The following WWOX variants were observed in gnomAD, a reference collection of about 807,000 sequenced individuals.
WWOX encodes the protein WW domain-containing oxidoreductase.
In WWOX, 69 loss-of-function variants were observed where a neutral mutation model predicts 46.2. The observed-to-expected ratio is 1.49, with a 90% CI of 1.23 to 1.82. The LOEUF is 1.82. Among genes scored for constraint, WWOX ranks in the 40% most tolerant of loss-of-function variants. WWOX has a pLI of 0.00. For synonymous variants in WWOX, 359 were observed against 202.6 expected (o/e 1.77, Z -6.56); for missense variants, 919 against 542.6 (o/e 1.69, Z -6.89).
chr16:78,704,385 T>G (rs1050315581), intron 8 of WWOX, among the ~76,000 whole-genome samples: 14 of 152,150 alleles, frequency 9.2e-5, no homozygotes, highest in African/African-American at 2.9e-4. Context: ...AATGCTTGGT[T>G]TTATCTTTTA....
At chr16:78,409,521 G>C (rs911655511) in intron 6 of WWOX, among the ~76,000 whole-genome samples, 1 of 152,116 alleles carries the variant, frequency 6.6e-6, no homozygotes, top group Admixed American at 6.6e-5. Context: ...TGCAGTATTT[G>C]TCTGTTTCTG....
chr16:78,146,733 A>T (rs761773732), intron 4 of WWOX, among the ~76,000 whole-genome samples: 1 of 152,212 alleles, frequency 6.6e-6, no homozygotes, highest in African/African-American at 2.4e-5. Flanking sequence ...AATTTCTTTT[A>T]CCAATTGTAT....
chr16:78,766,928 T>C (rs1004715703), intron 8 of WWOX, among the ~76,000 whole-genome samples: 1 of 152,214 alleles, frequency 6.6e-6, no homozygotes, highest in African/African-American at 2.4e-5. Flanking sequence ...AAAAAATAAC[T>C]GCCCCTTCCT....
intron 8 of WWOX, among the ~76,000 whole-genome samples, chr16:78,779,036 T>C (rs144888846): frequency 6.6e-4 from 101 of 152,336 alleles, no homozygotes; most frequent in African/African-American, 2.3e-3. Flanking sequence ...GAGCTTAATC[T>C]ACTTGTGGAA....
chr16:78,651,575 C>G (rs1028442659), intron 8 of WWOX, among the ~76,000 whole-genome samples: 1 of 152,172 alleles, frequency 6.6e-6, no homozygotes, highest in Non-Finnish European at 1.5e-5. Context: ...TTTACCTGTT[C>G]CATGCTTAGC....
At chr16:78,943,541 T>G (rs1384220276) in intron 8 of WWOX, among the ~76,000 whole-genome samples, 2 of 152,184 alleles carry the variant, frequency 1.3e-5, no homozygotes, top group African/African-American at 4.8e-5. Flanking sequence ...AGAGCAGCCT[T>G]GCTCTTGCAG....
intron 2 of WWOX, among the ~76,000 whole-genome samples, chr16:78,108,745 C>T (rs368956119): frequency 2.6e-5 from 4 of 152,132 alleles, no homozygotes; most frequent in Non-Finnish European, 5.9e-5. Flanking sequence ...CCCAGCACTT[C>T]GGGAGGCCGA....
At chr16:78,993,800 C>T (rs2046935684) in intron 8 of WWOX, among the ~76,000 whole-genome samples, 1 of 152,180 alleles carries the variant, frequency 6.6e-6, no homozygotes, top group African/African-American at 2.4e-5. Flanking sequence ...CGTGGTGCAG[C>T]TTGGATGGCA....
At chr16:78,309,013 T>C (rs2080184439) in intron 5 of WWOX, among the ~76,000 whole-genome samples, 1 of 152,164 alleles carries the variant, frequency 6.6e-6, no homozygotes, top group African/African-American at 2.4e-5. Context: ...TTTGGCTACA[T>C]CCCCACCCAA....
At chr16:79,111,172 G>T (rs545089845) in intron 8 of WWOX, among the ~76,000 whole-genome samples, 16 of 152,336 alleles carry the variant, frequency 1.1e-4, no homozygotes, top group Non-Finnish European at 2.2e-4. Context: ...AGTTAGAGGG[G>T]AGGAGTAAGT....
At chr16:78,214,954 C>T (rs948047922) in intron 5 of WWOX, among the ~76,000 whole-genome samples, 11 of 152,096 alleles carry the variant, frequency 7.2e-5, no homozygotes, top group African/African-American at 2.7e-4. Flanking sequence ...ATTCAAGCAG[C>T]TTTACAGAGA....
intron 8 of WWOX, among the ~76,000 whole-genome samples, chr16:78,598,387 C>A (rs762641391): frequency 1.3e-5 from 2 of 152,110 alleles, no homozygotes; most frequent in African/African-American, 4.8e-5. Flanking sequence ...GGGTTAAAAT[C>A]GAGAGGGGAA....
At chr16:78,119,256 G>A (rs185168254) in intron 4 of WWOX, among the ~76,000 whole-genome samples, 1 of 152,302 alleles carries the variant, frequency 6.6e-6, no homozygotes, top group African/African-American at 2.4e-5. Context: ...TCAGCACGGT[G>A]AACATTACAT....
At chr16:79,063,675 G>T (rs1163874625) in intron 8 of WWOX, among the ~76,000 whole-genome samples, 1 of 152,086 alleles carries the variant, frequency 6.6e-6, no homozygotes, top group Non-Finnish European at 1.5e-5. Context: ...TTCTCTTTTG[G>T]ATTGACGTGC....
intron 8 of WWOX, among the ~76,000 whole-genome samples, chr16:78,926,015 G>T (rs1256970083): frequency 6.6e-5 from 10 of 152,208 alleles, no homozygotes; most frequent in African/African-American, 2.4e-4. Flanking sequence ...AGTGTAAATT[G>T]TAGAGTCTAT....
chr16:78,258,529 A>G (rs760832002), intron 5 of WWOX, among the ~76,000 whole-genome samples: 14 of 152,104 alleles, frequency 9.2e-5, no homozygotes, highest in Non-Finnish European at 2.1e-4. Flanking sequence ...TCTGCTTTAA[A>G]AAACAAAACA....
intron 5 of WWOX, among the ~76,000 whole-genome samples, chr16:78,317,317 C>G (rs1214940017): frequency 3.3e-5 from 5 of 152,164 alleles, no homozygotes; most frequent in African/African-American, 9.7e-5. Context: ...GTCTCTCTCA[C>G]TCACATTTTA....
intron 8 of WWOX, among the ~76,000 whole-genome samples, chr16:78,703,171 A>C (rs1472521472): frequency 6.6e-6 from 1 of 152,020 alleles, no homozygotes; most frequent in South Asian, 2.1e-4. Flanking sequence ...AGTTTTTATG[A>C]TGTTCCTTCT....
chr16:79,171,826 T>G (rs971517382), intron 8 of WWOX, among the ~76,000 whole-genome samples: 3 of 152,088 alleles, frequency 2.0e-5, no homozygotes, highest in African/African-American at 7.2e-5. Flanking sequence ...ATCTTCGGAA[T>G]CCTTTTCAAT....
Sources: allele counts gnomAD v4.1 joint callset (sites outside exome capture counted in the v4.1 genomes callset), GRCh38; gene constraint gnomAD v4.1.1; transcripts MANE v1.5; gene names NCBI Gene and HGNC (gene_info 2026-07-23, HGNC 2026-07-21).